Variants in FER1L5 observed in about 807,000 individuals in gnomAD.
FER1L5 encodes the protein fer-1 like family member 5, also known as fer-1-like protein 5.
A neutral mutation model predicts 279.9 loss-of-function variants in FER1L5; 187 were observed. That is an observed-to-expected ratio of 0.67 (90% CI 0.59 to 0.75). The LOEUF is 0.75. FER1L5 is among the 30% of genes least tolerant of loss of function. The pLI, the probability that FER1L5 is intolerant of heterozygous loss-of-function variation, is 0.00. For missense variants in FER1L5, 2,091 were observed against 2,594.4 expected (o/e 0.81, Z 4.21); for synonymous variants, 921 against 989.7 (o/e 0.93, Z 1.30).
intron 19 of FER1L5, 80 bp downstream of exon 19, chr2:96,673,334 G>A: frequency 7.4e-7 from 1 of 1,358,362 alleles, no homozygotes; most frequent in East Asian, 2.5e-5. Flanking sequence ...AGGGGTATTA[G>A]CTCATGGAAG....
intron 34 of FER1L5, chr2:96,695,262 G>A: frequency 4.0e-6 from 2 of 500,506 alleles, no homozygotes; most frequent in Non-Finnish European, 6.9e-6. Flanking sequence ...GCAGCCAGTG[G>A]CCAGAGGTCA....
At chr2:96,647,274 C>T in intron 3 of FER1L5, 119 bp downstream of exon 3, 1 of 1,109,546 alleles carries the variant, frequency 9.0e-7, no homozygotes, top group South Asian at 1.6e-5. Flanking sequence ...CTCCAGCCAG[C>T]TAAAAAGAAA....
chr2:96,678,823 T>C (rs1392927560), intron 19 of FER1L5, among the ~76,000 whole-genome samples: 1 of 152,246 alleles, frequency 6.6e-6, no homozygotes, highest in African/African-American at 2.4e-5. Flanking sequence ...TTGCATTGTT[T>C]CTCTTATTAT....
chr2:96,659,249 A>C (rs1396235831), intron 9 of FER1L5, among the ~76,000 whole-genome samples: 1 of 149,992 alleles, frequency 6.7e-6, no homozygotes, highest in East Asian at 2.0e-4. Flanking sequence ...TGTCTTTCAA[A>C]AGCAGACTTT....
chr2:96,694,109 C>G lies in FER1L5; in HGVS notation c.3636+37C>G. ...GAGGGCCTGGCTGGGAAGTGTGGCA[C>G]TCAGTGCCCCTCCCCGTCCCACCCC... is the stretch of plus-strand genomic sequence containing the variant. On this transcript the variant is annotated intron_variant, in intron 33 of 52. Coordinates refer to ENST00000624922, the MANE Select transcript of FER1L5 (RefSeq NM_001293083.2). This position sits in a 1 kb window ranked among gnomAD's most constrained non-coding sequence, Gnocchi z 4.6. The G allele has an allele frequency of 6.6e-7, 1 of 1,515,816 alleles. No individual in the cohort carries two copies. The allele number at this position is 1,515,816 out of a possible 1,614,324, so 93.9% of individuals were successfully genotyped here. A position where few individuals can be genotyped will look rare whatever the true frequency, so the allele number is the denominator to read the frequency against.
chr2:96,697,531 A>C lies in FER1L5; in HGVS notation c.4089A>C (p.Leu1363=). The change falls in exon 38 of 53, where the codon CTA becomes CTC. Residue 1363 remains leucine (L), a synonymous_variant. Coordinates refer to ENST00000624922, the MANE Select transcript of FER1L5 (RefSeq NM_001293083.2). ...TLSEKKHQDF[L]GYLYRKFWFK... is the part of the protein sequence containing the mutation. Reference sequence around the variant, plus strand: ...CTCACCCTCTCCTTTTTCAGTTCCTAGGCTACCTCTACAGAAAGTTCTGGT... The same window carrying C: ...CTCACCCTCTCCTTTTTCAGTTCCTCGGCTACCTCTACAGAAAGTTCTGGT... 1 of 1,613,420 alleles carries C rather than the reference A, an allele frequency of 6.2e-7. No individual in the cohort carries two copies. Among genetic ancestry groups the C allele is most frequent in the Non-Finnish European group, 8.5e-7 (1 of 1,179,704 alleles).
rs747251056 is a variant in FER1L5 at position 96,698,866 on chromosome 2, C to T, written c.4518+34C>T. ...CAGTACCTGCCCCACACAGGTGCCC[C>T]GCACGCTCCCCTCAACCCATCTCTG... On this transcript the variant is annotated intron_variant, in intron 41 of 52. Coordinates refer to ENST00000624922, the MANE Select transcript of FER1L5 (RefSeq NM_001293083.2). The surrounding 1 kb of genome is among the most constrained non-coding windows in gnomAD (Gnocchi z 5.5). 87 of 1,551,484 alleles carry T rather than the reference C, an allele frequency of 5.6e-5. No individual in the cohort carries two copies. Among genetic ancestry groups the T allele is most frequent in the Middle Eastern group, 1.7e-4 (1 of 6,004 alleles).
At chr2:96,701,877 T>C (rs977497721) in intron 45 of FER1L5, 78 bp from the exon 46 acceptor site, 26 of 1,428,754 alleles carry the variant, frequency 1.8e-5, no homozygotes, top group Non-Finnish European at 2.2e-5. Flanking sequence ...CCTCAGAACC[T>C]GGGACAGGGA....
chr2:96,697,812 G>C, intron 39 of FER1L5, 51 bp downstream of exon 39: 1 of 1,590,364 alleles, frequency 6.3e-7, no homozygotes. Flanking sequence ...ACTGGAGGAG[G>C]CCAGCAGAGC....
At chr2:96,659,365 CTT>C (rs1257222383) in intron 9 of FER1L5, among the ~76,000 whole-genome samples, 1 of 13,694 alleles carries the variant, frequency 7.3e-5, no homozygotes, top group Non-Finnish European at 1.1e-4. Flanking sequence ...TTCCTTCCTT[CTT>C]TCTTTCTTTC....
intron 51 of FER1L5, 67 bp downstream of exon 51, chr2:96,703,699 G>GT (rs2077674420): frequency 6.9e-7 from 1 of 1,440,786 alleles, no homozygotes; most frequent in South Asian, 1.2e-5. Context: ...GTGGTGACCA[G>GT]TGGGCCTATC....
chr2:96,647,702 T>C lies in FER1L5; in HGVS notation c.231-76T>C, dbSNP rs1033634484. The stretch of plus-strand genomic sequence containing the variant: ...GCCCTGGGAGGAAACCGTCTCTAGC[T>C]AAAGCCCTGCCCGGGAGAGAAGAGG... On this transcript the variant is annotated intron_variant, in intron 3 of 52. Coordinates refer to ENST00000624922, the MANE Select transcript of FER1L5 (RefSeq NM_001293083.2). 7 of 1,118,630 alleles carry C rather than the reference T, an allele frequency of 6.3e-6. No individual in the cohort carries two copies. In the African/African-American group the frequency reaches 1.1e-4, roughly 17 times the overall value. The allele number at this position is 1,118,630 out of a possible 1,614,324, so 69.3% of individuals were successfully genotyped here.
At position 96,659,434 on chromosome 2, in the gene FER1L5, T is replaced by G. The variant is rs1286318829; in HGVS notation, c.748-907T>G. Among the ~76,000 whole-genome samples, 12 of 21,100 alleles carry G rather than the reference T, an allele frequency of 5.7e-4. 1 individual carries two copies. In the East Asian group the frequency reaches 0.013, roughly 23 times the overall value. The allele number at this position is 21,100 out of a possible 152,430, so 13.8% of individuals were successfully genotyped here. On this transcript the variant is annotated intron_variant, in intron 9 of 52. Coordinates refer to ENST00000624922, the MANE Select transcript of FER1L5 (RefSeq NM_001293083.2). ...CTTTCTTTCTTTCTTTCTTTCTTTC[T>G]TTCTTTCTTTCTTTCTTTCTTTCTT...
intron 19 of FER1L5, among the ~76,000 whole-genome samples, chr2:96,675,643 C>T (rs1468550368): frequency 6.6e-6 from 1 of 152,038 alleles, no homozygotes; most frequent in Non-Finnish European, 1.5e-5. Flanking sequence ...GCCAGGCTGG[C>T]CTTGAACTCC....
At chr2:96,653,766 C>CCCT (rs1166721405) in intron 8 of FER1L5, 64 bp downstream of exon 8, 19 of 1,270,336 alleles carry the variant, frequency 1.5e-5, no homozygotes, top group Non-Finnish European at 2.1e-5. Context: ...CTGGGAAGCA[C>CCCT]TACAGCTCCA....
intron 7 of FER1L5, 171 bp from the exon 8 acceptor site, chr2:96,653,469 T>C (rs2075468037): frequency 4.9e-6 from 3 of 615,606 alleles, no homozygotes; most frequent in Admixed American, 3.2e-5. Context: ...TTTTGGAGCA[T>C]TTTTTATTTC....
At chr2:96,666,745 G>A (rs2076141473) in intron 14 of FER1L5, among the ~76,000 whole-genome samples, 1 of 151,830 alleles carries the variant, frequency 6.6e-6, no homozygotes, top group Non-Finnish European at 1.5e-5. Context: ...CCACCTCCTG[G>A]GTTCAAGCAA....
chr2:96,690,673 A>G, intron 27 of FER1L5, 84 bp downstream of exon 27: 17 of 1,294,400 alleles, frequency 1.3e-5, no homozygotes, highest in Non-Finnish European at 1.7e-5. Context: ...CAGAGCAGCC[A>G]AGCCCTCCAT....
At chr2:96,669,017 A>C in intron 16 of FER1L5, 26 bp from the exon 17 acceptor site, 1 of 1,549,726 alleles carries the variant, frequency 6.5e-7, no homozygotes, top group Non-Finnish European at 8.7e-7. Flanking sequence ...CCTGCGCCCG[A>C]CCCTTCTCAC....
Sources: gnomAD v4.1 joint callset for allele counts (sites outside exome capture counted in the v4.1 genomes callset) on GRCh38, gnomAD v4.1.1 for gene constraint, Gnocchi (gnomAD v3.1) non-coding constraint, MANE v1.5 for transcripts, NCBI Gene and HGNC (gene_info 2026-07-23, HGNC 2026-07-21) for gene names.